TDP1: variants seen among roughly 807,000 people sequenced by gnomAD.
TDP1 encodes the protein tyrosyl-DNA phosphodiesterase 1, also known as tyr-DNA phosphodiesterase 1.
A neutral mutation model predicts 81.5 loss-of-function variants in TDP1; 64 were observed. The observed-to-expected ratio is 0.79, with a 90% CI of 0.64 to 0.97. The LOEUF is 0.97. TDP1 is among the 50% of genes least tolerant of loss of function. The probability of loss-of-function intolerance (pLI) is 0.00; values close to 1 mark genes in which losing one functional copy is unlikely to be tolerated. For synonymous variants in TDP1, 256 were observed against 264.3 expected (o/e 0.97, Z 0.30); for missense variants, 723 against 743.8 (o/e 0.97, Z 0.33).
At chr14:90,003,033 G>T (rs1409350027) in intron 14 of TDP1, among the ~76,000 whole-genome samples, 2 of 152,046 alleles carry the variant, frequency 1.3e-5, no homozygotes, top group Non-Finnish European at 2.9e-5. Flanking sequence ...CGCCTCCCGG[G>T]TTCAAGCGAT....
At position 89,989,107 on chromosome 14, in the gene TDP1, A is replaced by G. The variant is rs769573318; in HGVS notation, c.1317+17A>G. 46 of 1,591,728 alleles carry G rather than the reference A, an allele frequency of 2.9e-5. No individual in the cohort carries two copies. The highest frequency in any genetic ancestry group is 1.4e-4 in the South Asian group (13 of 90,800). On this transcript the variant is annotated intron_variant, in intron 11 of 16. Transcript: ENST00000335725. ...CTTTACTTGGTGAGTTCTCGTCCTC[A>G]TTGAGGTAGTTTACTTTTATTCTCT...
chr14:90,030,543 G>C (rs1887159211), intron 15 of TDP1, among the ~76,000 whole-genome samples: 1 of 152,160 alleles, frequency 6.6e-6, no homozygotes, highest in Non-Finnish European at 1.5e-5. Flanking sequence ...ATCTTCATCA[G>C]TGCTGTAACC....
intron 14 of TDP1, among the ~76,000 whole-genome samples, chr14:90,003,706 C>T (rs764636674): frequency 4.6e-5 from 7 of 152,138 alleles, no homozygotes; most frequent in Non-Finnish European, 1.0e-4. Context: ...GTTAGAGTTG[C>T]CTAGCAACTG....
At chr14:90,022,416 T>C (rs1886193266) in intron 15 of TDP1, among the ~76,000 whole-genome samples, 1 of 152,230 alleles carries the variant, frequency 6.6e-6, no homozygotes, top group Non-Finnish European at 1.5e-5. Context: ...CTCCCTGGGT[T>C]CTGCAGCTAG....
intron 14 of TDP1, among the ~76,000 whole-genome samples, chr14:89,996,491 C>G (rs934373825): frequency 2.6e-5 from 4 of 152,190 alleles, no homozygotes; most frequent in Non-Finnish European, 4.4e-5. Context: ...CCGCCTGGAG[C>G]CTCTTTCAGC....
chr14:90,022,225 C>T (rs909505020), intron 15 of TDP1, among the ~76,000 whole-genome samples: 2 of 152,212 alleles, frequency 1.3e-5, no homozygotes, highest in African/African-American at 4.8e-5. Flanking sequence ...CCTGAGTGAG[C>T]AGAGCCAGAG....
At chr14:89,955,867 G>A (rs2181599), upstream of TDP1, 11,160 of 148,948 alleles carry the variant, frequency 0.075, 721 homozygotes, top group South Asian at 0.22. Flanking sequence ...AAGGGGCCGG[G>A]CCTCGAGGCA....
intron 8 of TDP1, chr14:89,983,983 G>A (rs1365082660): frequency 6.6e-6 from 2 of 305,206 alleles, no homozygotes; most frequent in Non-Finnish European, 9.6e-6. Context: ...TAGGACCTAC[G>A]TTATGAAAAT....
intron 14 of TDP1, among the ~76,000 whole-genome samples, chr14:90,000,978 A>G (rs902001878): frequency 6.6e-6 from 1 of 152,228 alleles, no homozygotes; most frequent in Non-Finnish European, 1.5e-5. Flanking sequence ...TAGTCCTATA[A>G]AAGATTCATA....
At chr14:90,007,756 C>T (rs1884215434) in intron 14 of TDP1, among the ~76,000 whole-genome samples, 1 of 152,066 alleles carries the variant, frequency 6.6e-6, no homozygotes, top group Admixed American at 6.5e-5. Context: ...GTATGCACCA[C>T]CACACCTGGC....
At chr14:89,984,725 T>C (rs1268228565) in intron 9 of TDP1, 42 bp downstream of exon 9, 1 of 1,609,398 alleles carries the variant, frequency 6.2e-7, no homozygotes, top group East Asian at 2.2e-5. Flanking sequence ...ATGATAGGCT[T>C]ATACCTTGGG....
At position 90,043,376 on chromosome 14, in the gene TDP1, A is replaced by T. The variant is rs1888550793; in HGVS notation, c.*233A>T. The stretch of plus-strand genomic sequence containing the variant: ...ATATGTTTTGGAAAGAAAATTAGTG[A>T]ACTTCTCTATGTTAAAAATACGTAC... On this transcript the variant is annotated 3_prime_UTR_variant, in exon 17 of 17. Coordinates refer to ENST00000335725, the MANE Select transcript of TDP1 (RefSeq NM_018319.4). The T allele has an allele frequency of 1.7e-5, 10 of 594,984 alleles. No homozygotes were observed. In the South Asian group the frequency reaches 2.0e-4, roughly 12 times the overall value. 36.9% of individuals were successfully genotyped at this position (594,984 alleles called of 1,614,324 possible). A position where few individuals can be genotyped will look rare whatever the true frequency, so the allele number is the denominator to read the frequency against.
chr14:90,039,811 T>G (rs190735050), intron 16 of TDP1, among the ~76,000 whole-genome samples: 1 of 152,296 alleles, frequency 6.6e-6, no homozygotes, highest in East Asian at 1.9e-4. Context: ...GGAACTCATA[T>G]GAGCACTTGA....
chr14:90,031,601 G>T (rs1887290094), intron 15 of TDP1, among the ~76,000 whole-genome samples: 1 of 149,526 alleles, frequency 6.7e-6, no homozygotes, highest in Non-Finnish European at 1.5e-5. Context: ...AGGCTGCAGT[G>T]AGCCGAGATC....
At chr14:89,954,993 G>T (rs766355342), upstream of TDP1, 5 of 397,656 alleles carry the variant, frequency 1.3e-5, no homozygotes, top group East Asian at 9.5e-5. Context: ...CTGGTTCAAT[G>T]CCTGGTTCAT....
intron 6 of TDP1, among the ~76,000 whole-genome samples, chr14:89,974,529 C>T (rs1460160054): frequency 3.9e-5 from 6 of 152,172 alleles, no homozygotes; most frequent in Non-Finnish European, 7.3e-5. Context: ...GTATTCCAGT[C>T]GCCCATTACT....
intron 14 of TDP1, among the ~76,000 whole-genome samples, chr14:90,008,967 C>G (rs1457576876): frequency 1.3e-5 from 2 of 152,186 alleles, no homozygotes; most frequent in Non-Finnish European, 2.9e-5. Flanking sequence ...TCTTGGCTTC[C>G]CAAAGCACTA....
At chr14:90,026,974 C>T (rs1395713712) in intron 15 of TDP1, among the ~76,000 whole-genome samples, 1 of 152,152 alleles carries the variant, frequency 6.6e-6, no homozygotes, top group African/African-American at 2.4e-5. Flanking sequence ...GGTATATACC[C>T]AGTAATGGGT....
chr14:90,014,439 G>C (rs1009407287), intron 14 of TDP1, among the ~76,000 whole-genome samples: 1 of 152,212 alleles, frequency 6.6e-6, no homozygotes, highest in African/African-American at 2.4e-5. Flanking sequence ...TTAGGAAAGG[G>C]CAACAGCAGC....
Sources: allele counts gnomAD v4.1 joint callset (sites outside exome capture counted in the v4.1 genomes callset), GRCh38; gene constraint gnomAD v4.1.1; transcripts MANE v1.5; gene names NCBI Gene and HGNC (gene_info 2026-07-23, HGNC 2026-07-21).